The following KIF20B variants were observed in gnomAD, a reference collection of about 807,000 sequenced individuals.
KIF20B encodes kinesin-like protein KIF20B.
In KIF20B, 188 loss-of-function variants were observed where a neutral mutation model predicts 232.5. That is an observed-to-expected ratio of 0.81 (90% CI 0.72 to 0.91). The LOEUF is 0.91. Among genes scored for constraint, KIF20B ranks in the 40% least tolerant of loss-of-function variants. The pLI is 0.00. For missense variants in KIF20B, 2,154 were observed against 2,055.9 expected (o/e 1.05, Z -0.92); for synonymous variants, 712 against 683.0 (o/e 1.04, Z -0.66).
intron 9 of KIF20B, 39 bp downstream of exon 9, chr10:89,716,586 G>T (rs777952325): frequency 4.2e-6 from 4 of 947,118 alleles, no homozygotes; most frequent in South Asian, 1.4e-5. Context: ...TCGAATCACC[G>T]ATAGTATTCT....
chr10:89,759,981 T>C (rs1319391700), intron 27 of KIF20B, among the ~76,000 whole-genome samples: 1 of 152,178 alleles, frequency 6.6e-6, no homozygotes, highest in Non-Finnish European at 1.5e-5. Flanking sequence ...ACTTTATGAC[T>C]GAGAAAATAG....
chr10:89,719,598 G>A lies in KIF20B; in HGVS notation c.1614G>A (p.Glu538=), dbSNP rs976326053. 2.5e-6 allele frequency: 4 copies of A among 1,613,472 alleles called. No homozygotes were observed. The African/African-American group carries it at 5.3e-5, about 22-fold the overall frequency. ...TGGAAGACGAGGATTTGGTTGAGGA[G>A]CTAGAAAACGCTGAAGAAACTCAAA... ...DLMEDEDLVE[E]LENAEETQNV... is the part of the protein sequence containing the mutation. The change falls in exon 13 of 33, where the codon GAG becomes GAA. Residue 538 remains glutamate, a synonymous_variant. Transcript: ENST00000371728.
At chr10:89,741,003 C>T (rs1056846819) in intron 21 of KIF20B, among the ~76,000 whole-genome samples, 6 of 152,154 alleles carry the variant, frequency 3.9e-5, no homozygotes, top group African/African-American at 1.4e-4. Context: ...AAACACATTA[C>T]AGTTATTGTG....
chr10:89,724,848 GA>G (rs1056117348), intron 14 of KIF20B, among the ~76,000 whole-genome samples, 171 bp from the exon 15 acceptor site: 2 of 152,120 alleles, frequency 1.3e-5, no homozygotes, highest in Admixed American at 1.3e-4. Flanking sequence ...CTCCTGGCCT[GA>G]AGTGATCCAC....
In KIF20B at chr10:89,738,490, G is replaced by T; in HGVS notation, c.3649G>T (p.Asp1217Tyr). 1 of 1,606,126 alleles carries T rather than the reference G, an allele frequency of 6.2e-7. No homozygotes were observed. Among genetic ancestry groups the T allele is most frequent in the Middle Eastern group, 1.7e-4 (1 of 6,034 alleles). ...HLQDSVKNTK[D>Y]LNVKELKLKE... ...TCAGGATTCTGTCAAAAACACCAAA[G>T]ATTTAAATGTAAAGGAACTCAAGCT... is the stretch of plus-strand genomic sequence containing the variant. The change falls in exon 20 of 33, where the codon GAT becomes TAT. Residue 1217 changes from aspartate to tyrosine, a missense_variant. Transcript: ENST00000371728.
At chr10:89,709,849 C>A in intron 4 of KIF20B, 78 bp from the exon 5 acceptor site, 1 of 1,109,780 alleles carries the variant, frequency 9.0e-7, no homozygotes, top group Non-Finnish European at 1.2e-6. Context: ...AATTTTTAAA[C>A]AGTAGTGTTG....
chr10:89,753,133 A>G (rs1842053214), intron 25 of KIF20B, among the ~76,000 whole-genome samples: 1 of 152,170 alleles, frequency 6.6e-6, no homozygotes. Context: ...ACTATATAGA[A>G]GGTATTCTAT....
At chr10:89,708,233 C>T (rs1341074082) in intron 2 of KIF20B, among the ~76,000 whole-genome samples, 4 of 147,216 alleles carry the variant, frequency 2.7e-5, no homozygotes, top group Non-Finnish European at 6.0e-5. Flanking sequence ...TTTTTTGAGA[C>T]GGAGTTCTGC....
chr10:89,711,111 C>T lies in KIF20B; in HGVS notation c.641C>T (p.Ala214Val). ...TCAGAACAAGAGAAAGAAGAAATTG[C>T]TAGCAAAAGTGCATTGCTTCGGCAA... ...LSSEQEKEEIASKSALLRQIK... is the reference protein window; with the variant it reads ...LSSEQEKEEIVSKSALLRQIK... The change falls in exon 6 of 33, where the codon GCT (alanine) becomes GTT (valine). Residue 214 changes from alanine to valine, a missense_variant. By Grantham distance (64) the Ala-to-Val change is moderately conservative (BLOSUM62 0). Transcript: ENST00000371728. 1 of 1,559,560 alleles carries T rather than the reference C, an allele frequency of 6.4e-7. No homozygotes were observed. Among genetic ancestry groups the T allele is most frequent in the Non-Finnish European group, 8.7e-7 (1 of 1,151,530 alleles).
chr10:89,758,654 G>A, intron 26 of KIF20B, 52 bp from the exon 27 acceptor site: 3 of 1,264,540 alleles, frequency 2.4e-6, no homozygotes, highest in Non-Finnish European at 3.2e-6. Flanking sequence ...AACATTCTTA[G>A]ATTCATAATA....
chr10:89,746,698 C>T (rs1406043538), intron 23 of KIF20B, among the ~76,000 whole-genome samples: 1 of 152,192 alleles, frequency 6.6e-6, no homozygotes, highest in East Asian at 1.9e-4. Context: ...CACCAGGGAC[C>T]CTGCCTTTCT....
At chr10:89,722,144 G>T (rs886710179) in intron 13 of KIF20B, among the ~76,000 whole-genome samples, 2 of 152,104 alleles carry the variant, frequency 1.3e-5, no homozygotes, top group African/African-American at 2.4e-5. Flanking sequence ...GAACCCTTGG[G>T]CTCAGGCAAT....
chr10:89,755,869 A>T (rs1411711773), intron 26 of KIF20B, among the ~76,000 whole-genome samples: 1 of 152,152 alleles, frequency 6.6e-6, no homozygotes, highest in Non-Finnish European at 1.5e-5. Context: ...TGTTGGGATT[A>T]TGGGTGTGAG....
intron 29 of KIF20B, chr10:89,766,280 C>G (rs949484138): frequency 6.6e-6 from 1 of 152,466 alleles, no homozygotes; most frequent in African/African-American, 2.4e-5. Flanking sequence ...GCCTCTCCTC[C>G]TCCAAAGGAA....
At position 89,705,320 on chromosome 10, in the gene KIF20B, G is replaced by A. The variant is rs1401157152; in HGVS notation, c.26G>A (p.Gly9Glu). 6.2e-7 allele frequency: 1 copy of A among 1,613,724 alleles called. No individual in the cohort carries two copies. The highest frequency in any genetic ancestry group is 8.5e-7 in the Non-Finnish European group (1 of 1,179,916). The change falls in exon 2 of 33, where the codon GGA (glycine) becomes GAA (glutamate). Residue 9 changes from glycine to glutamate, a missense_variant. Transcript: ENST00000371728. ...ATGGAATCTAATTTTAATCAAGAGG[G>A]AGTACCTCGACCATCTTATGTTTTT... MESNFNQE[G>E]VPRPSYVFSA...
rs745947393 is a variant in KIF20B, at chr10:89,737,855, A to C, written c.3014A>C (p.Asp1005Ala). ...LDSVSQISNI[D>A]LLNLRDLSNG... is the part of the protein sequence containing the mutation. Reference sequence around the variant, plus strand: ...TCAGTTTCTCAGATTTCAAACATAGATTTGCTCAATCTCAGGGATCTGTCA... The same window carrying C: ...TCAGTTTCTCAGATTTCAAACATAGCTTTGCTCAATCTCAGGGATCTGTCA... The change falls in exon 20 of 33, where the codon GAT (aspartate) becomes GCT (alanine). Residue 1005 changes from aspartate (D) to alanine (A), a missense_variant. Transcript: ENST00000371728. 5 of 1,613,544 alleles carry C rather than the reference A, an allele frequency of 3.1e-6. No homozygotes were observed. In the East Asian group the frequency reaches 1.1e-4, roughly 36 times the overall value.
Position 89,738,150 on chromosome 10 carries a change from G to A in KIF20B, c.3309G>A (p.Lys1103=), listed in dbSNP as rs76057302. 1.5e-6 allele frequency: 2 copies of A among 1,326,676 alleles called. No individual in the cohort carries two copies. Among genetic ancestry groups the A allele is most frequent in the South Asian group, 3.2e-5 (2 of 63,226 alleles). The allele number at this position is 1,326,676 out of a possible 1,614,324, so 82.2% of individuals were successfully genotyped here. ...KGYKDENNRL[K]EKEHKNQDDL... is the part of the protein sequence containing the mutation. ...ATAAGGATGAAAACAATAGACTAAAGGAGAAGGAGCATAAAAACCAAGATG... is the reference window on the plus strand; with the variant it reads ...ATAAGGATGAAAACAATAGACTAAAAGAGAAGGAGCATAAAAACCAAGATG... Residue 1103 remains lysine, a synonymous_variant, in exon 20 of 33, where the codon AAG becomes AAA. Coordinates refer to ENST00000371728, the MANE Select transcript of KIF20B (RefSeq NM_001284259.2).
chr10:89,742,640 T>C (rs755863465), intron 21 of KIF20B, among the ~76,000 whole-genome samples: 19 of 151,842 alleles, frequency 1.3e-4, no homozygotes, highest in Non-Finnish European at 2.2e-4. Context: ...CTTAAAACAA[T>C]GTAAGAATCC....
chr10:89,732,330 C>T (rs1321901695), intron 18 of KIF20B, among the ~76,000 whole-genome samples: 2 of 152,032 alleles, frequency 1.3e-5, no homozygotes, highest in African/African-American at 4.8e-5. Flanking sequence ...ACTGTGTGGC[C>T]CAGGCTGGTC....
Sources: allele counts gnomAD v4.1 joint callset (sites outside exome capture counted in the v4.1 genomes callset), GRCh38; gene constraint gnomAD v4.1.1; transcripts MANE v1.5; gene names NCBI Gene and HGNC (gene_info 2026-07-23, HGNC 2026-07-21).